The following KCNB2 variants were observed in gnomAD, a reference collection of about 807,000 sequenced individuals.
KCNB2 encodes delayed rectifier potassium channel protein.
A neutral mutation model predicts 61.5 loss-of-function variants in KCNB2; 15 were observed. That is an observed-to-expected ratio of 0.24 (90% CI 0.16 to 0.38). KCNB2 has a LOEUF of 0.38. KCNB2 is among the 10% of genes least tolerant of loss of function. KCNB2 has a pLI of 1.00. For synonymous variants in KCNB2, 457 were observed against 446.0 expected (o/e 1.02, Z -0.31); for missense variants, 828 against 1,125.2 (o/e 0.74, Z 3.78).
At chr8:72,640,741 A>G (rs1806042053) in intron 2 of KCNB2, among the ~76,000 whole-genome samples, 1 of 152,128 alleles carries the variant, frequency 6.6e-6, no homozygotes, top group African/African-American at 2.4e-5. Context: ...TTGATGTTAC[A>G]TCGTGGTTGG....
At chr8:72,752,888 TCAGA>T (rs1290248580) in intron 2 of KCNB2, among the ~76,000 whole-genome samples, 1 of 152,166 alleles carries the variant, frequency 6.6e-6, no homozygotes, top group Non-Finnish European at 1.5e-5. Context: ...CACTGAACTC[TCAGA>T]CAGGACACCT....
At chr8:72,634,497 C>A (rs1805934586) in intron 2 of KCNB2, among the ~76,000 whole-genome samples, 1 of 152,168 alleles carries the variant, frequency 6.6e-6, no homozygotes, top group Admixed American at 6.5e-5. Context: ...ATTTAGACTA[C>A]CAACAAAATG....
At chr8:72,557,041 A>T (rs1806440200) in intron 1 of KCNB2, among the ~76,000 whole-genome samples, 1 of 152,058 alleles carries the variant, frequency 6.6e-6, no homozygotes, top group South Asian at 2.1e-4. Flanking sequence ...CCCATTCATG[A>T]GGGCCCTGCT....
chr8:72,618,456 G>T (rs1387772030), intron 2 of KCNB2, among the ~76,000 whole-genome samples: 1 of 152,006 alleles, frequency 6.6e-6, no homozygotes, highest in Non-Finnish European at 1.5e-5. Flanking sequence ...TTATTATTTT[G>T]CAGTTATATT....
chr8:72,711,194 G>A (rs1807319775), intron 2 of KCNB2, among the ~76,000 whole-genome samples: 1 of 152,234 alleles, frequency 6.6e-6, no homozygotes, highest in Admixed American at 6.5e-5. Context: ...CTCTGGACCA[G>A]AAGTGGTACC....
At chr8:72,581,691 G>T (rs941214676) in intron 2 of KCNB2, among the ~76,000 whole-genome samples, 1 of 152,190 alleles carries the variant, frequency 6.6e-6, no homozygotes, top group African/African-American at 2.4e-5. Context: ...TTCGATATAG[G>T]CTGAGAACCA....
rs12680574 is a variant in KCNB2 at position 72,934,392 on chromosome 8, C to A, written c.580-1543C>A. ...ACAAAACCTTTCCCCCTTCACCCCC[C>A]GCAAAAAAAAAAAAAAAAAAAAGTA... On this transcript the variant is annotated intron_variant, in intron 2 of 2. Transcript: ENST00000523207. Among the ~76,000 whole-genome samples, 78 of 102,218 alleles carry A rather than the reference C, an allele frequency of 7.6e-4. 1 individual carries two copies. Among genetic ancestry groups the A allele is most frequent in the African/African-American group, 3.4e-3 (71 of 20,864 alleles). The allele number at this position is 102,218 out of a possible 152,430, so 67.1% of individuals were successfully genotyped here.
intron 2 of KCNB2, among the ~76,000 whole-genome samples, chr8:72,809,373 A>G (rs2129000344): frequency 6.6e-6 from 1 of 152,284 alleles, no homozygotes; most frequent in South Asian, 2.1e-4. Flanking sequence ...TCCCAATGGC[A>G]TATATGACAT....
At chr8:72,543,188 A>T (rs146959827) in intron 1 of KCNB2, among the ~76,000 whole-genome samples, 12 of 152,330 alleles carry the variant, frequency 7.9e-5, no homozygotes, top group African/African-American at 2.9e-4. Flanking sequence ...TACACATATA[A>T]CATTTTAAAA....
intron 2 of KCNB2, among the ~76,000 whole-genome samples, chr8:72,598,950 A>C (rs958519578): frequency 6.6e-6 from 1 of 152,216 alleles, no homozygotes; most frequent in Non-Finnish European, 1.5e-5. Context: ...ATAAAAGAGG[A>C]TACAAACAAA....
At chr8:72,910,249 C>T (rs1806263814) in intron 2 of KCNB2, among the ~76,000 whole-genome samples, 1 of 152,276 alleles carries the variant, frequency 6.6e-6, no homozygotes, top group East Asian at 1.9e-4. Flanking sequence ...CACTTAGCCT[C>T]AATCAATCTT....
chr8:72,858,442 T>C (rs1245915001), intron 2 of KCNB2, among the ~76,000 whole-genome samples: 1 of 152,214 alleles, frequency 6.6e-6, no homozygotes, highest in Non-Finnish European at 1.5e-5. Flanking sequence ...ATATGTATGC[T>C]TAGATCAAGG....
At chr8:72,582,825 TG>T (rs1197137654) in intron 2 of KCNB2, among the ~76,000 whole-genome samples, 1 of 152,038 alleles carries the variant, frequency 6.6e-6, no homozygotes, top group Non-Finnish European at 1.5e-5. Context: ...CTTGGGATGT[TG>T]CCAGCCTGGT....
chr8:72,600,465 G>C (rs1218314343), intron 2 of KCNB2, among the ~76,000 whole-genome samples: 1 of 152,002 alleles, frequency 6.6e-6, no homozygotes, highest in Admixed American at 6.6e-5. Context: ...AGAGGGGAGG[G>C]ATAGCATTAG....
At chr8:72,809,510 G>C (rs939025816) in intron 2 of KCNB2, among the ~76,000 whole-genome samples, 1 of 152,198 alleles carries the variant, frequency 6.6e-6, no homozygotes, top group Non-Finnish European at 1.5e-5. Flanking sequence ...TTAAAGAGAA[G>C]TAAATTTGAT....
chr8:72,930,553 A>G (rs1053903218), intron 2 of KCNB2, among the ~76,000 whole-genome samples: 24 of 152,176 alleles, frequency 1.6e-4, no homozygotes, highest in African/African-American at 5.8e-4. Context: ...GCCAGTGATG[A>G]TGAGCATTTT....
rs183715149 is a variant in KCNB2 at position 72,609,288 on chromosome 8, G to A, written c.579+40975G>A. ...TAGCACATAGGACAATATAGCAGTA[G>A]TTGATGATTATTTGCTTTCAAAACT... On this transcript the variant is annotated intron_variant, in intron 2 of 2. Transcript: ENST00000523207. Among the ~76,000 whole-genome samples, 5 of 152,300 alleles carry A rather than the reference G, an allele frequency of 3.3e-5. No individual in the cohort carries two copies. The East Asian group carries it at 9.6e-4, about 29-fold the overall frequency.
intron 2 of KCNB2, chr8:72,660,789 G>A (rs1338943420): frequency 1.3e-5 from 2 of 152,092 alleles, no homozygotes; most frequent in Non-Finnish European, 2.9e-5. Context: ...ATTCGCCTCT[G>A]TTTTTATGAG....
chr8:72,670,989 C>A (rs2128988167), intron 2 of KCNB2, among the ~76,000 whole-genome samples: 1 of 152,312 alleles, frequency 6.6e-6, no homozygotes. Context: ...GGATGCCTCT[C>A]CCATAGTGCT....
Sources: allele counts gnomAD v4.1 joint callset (sites outside exome capture counted in the v4.1 genomes callset), GRCh38; gene constraint gnomAD v4.1.1; transcripts MANE v1.5; gene names NCBI Gene and HGNC (gene_info 2026-07-23, HGNC 2026-07-21).